Variants in CDK14 observed in about 807,000 individuals in gnomAD.
The protein encoded by CDK14 is cyclin dependent kinase 14.
A neutral mutation model predicts 60.7 loss-of-function variants in CDK14; 34 were observed. The observed-to-expected ratio is 0.56, with a 90% CI of 0.43 to 0.75. The LOEUF is 0.75. Ranked by LOEUF, CDK14 falls within the 30% of genes least tolerant of loss-of-function variation. The pLI is 0.00. For missense variants in CDK14, 482 were observed against 564.1 expected (o/e 0.85, Z 1.47); for synonymous variants, 197 against 203.7 (o/e 0.97, Z 0.28).
chr7:90,844,203 G>A (rs891147463), intron 5 of CDK14, among the ~76,000 whole-genome samples: 6 of 152,194 alleles, frequency 3.9e-5, no homozygotes, highest in African/African-American at 1.4e-4. Flanking sequence ...CCTGGAGGGA[G>A]GTGACCTGTG....
chr7:90,944,969 C>T (rs1261011668), intron 8 of CDK14, among the ~76,000 whole-genome samples: 3 of 152,124 alleles, frequency 2.0e-5, no homozygotes, highest in African/African-American at 7.2e-5. Context: ...ATGTAGGAGT[C>T]ATCTGCTGAA....
At chr7:90,847,884 AT>A (rs1036707486) in intron 5 of CDK14, among the ~76,000 whole-genome samples, 1 of 152,128 alleles carries the variant, frequency 6.6e-6, no homozygotes, top group Non-Finnish European at 1.5e-5. Flanking sequence ...GAAAAATGTA[AT>A]TTTTTTAGGT....
chr7:90,797,166 A>C (rs999182184), intron 5 of CDK14, among the ~76,000 whole-genome samples: 2 of 151,844 alleles, frequency 1.3e-5, no homozygotes, highest in Admixed American at 6.6e-5. Flanking sequence ...TGGGTAGCTT[A>C]AACAACAGAA....
At chr7:90,854,481 G>C (rs867521414) in intron 5 of CDK14, among the ~76,000 whole-genome samples, 3 of 152,108 alleles carry the variant, frequency 2.0e-5, no homozygotes, top group Non-Finnish European at 2.9e-5. Context: ...AATGAGCTGT[G>C]ATTACACCTT....
chr7:91,069,058 C>G (rs572452124), intron 11 of CDK14, among the ~76,000 whole-genome samples: 1 of 152,256 alleles, frequency 6.6e-6, no homozygotes, highest in East Asian at 1.9e-4. Flanking sequence ...ACCTGACACA[C>G]AGTAGTTGCT....
At chr7:90,694,383 CGTA>C (rs1241392694) in intron 2 of CDK14, among the ~76,000 whole-genome samples, 2 of 152,024 alleles carry the variant, frequency 1.3e-5, no homozygotes, top group Admixed American at 6.5e-5. Flanking sequence ...ACAAATTAAA[CGTA>C]GTAAACTGAC....
chr7:90,861,215 A>G (rs1381424124), intron 5 of CDK14, among the ~76,000 whole-genome samples: 1 of 152,168 alleles, frequency 6.6e-6, no homozygotes, highest in African/African-American at 2.4e-5. Context: ...AATGGGGGAA[A>G]AAAAAGATTA....
intron 8 of CDK14, among the ~76,000 whole-genome samples, chr7:90,940,585 A>G (rs923281946): frequency 6.6e-6 from 1 of 152,162 alleles, no homozygotes; most frequent in Admixed American, 6.5e-5. Flanking sequence ...CAGGAATTCT[A>G]GACTAGCCTG....
intron 3 of CDK14, among the ~76,000 whole-genome samples, chr7:90,736,140 C>T (rs995437033): frequency 3.3e-5 from 5 of 152,026 alleles, no homozygotes; most frequent in African/African-American, 7.2e-5. Context: ...TTTAGCCCTC[C>T]GTGGGCTGCA....
At chr7:91,133,218 A>G (rs1331767514) in intron 14 of CDK14, among the ~76,000 whole-genome samples, 2 of 152,132 alleles carry the variant, frequency 1.3e-5, no homozygotes. Flanking sequence ...TTATGAATAA[A>G]TTCATACTCC....
chr7:91,040,159 C>T (rs1797048735), intron 10 of CDK14, among the ~76,000 whole-genome samples: 1 of 152,220 alleles, frequency 6.6e-6, no homozygotes, highest in African/African-American at 2.4e-5. Context: ...CGCCTTCCAC[C>T]TGCCCTGTCT....
At chr7:91,095,163 A>G (rs1053032660) in intron 12 of CDK14, among the ~76,000 whole-genome samples, 1 of 152,262 alleles carries the variant, frequency 6.6e-6, no homozygotes. Flanking sequence ...AAAACAGAGC[A>G]ATGTGATGAA....
intron 14 of CDK14, among the ~76,000 whole-genome samples, chr7:91,181,654 T>C (rs1802005970): frequency 6.6e-6 from 1 of 152,200 alleles, no homozygotes; most frequent in African/African-American, 2.4e-5. Flanking sequence ...GGCTTGGTTC[T>C]TTCTCTTTTC....
At chr7:90,703,659 T>A (rs1200365987) in intron 2 of CDK14, among the ~76,000 whole-genome samples, 1 of 152,166 alleles carries the variant, frequency 6.6e-6, no homozygotes, top group Non-Finnish European at 1.5e-5. Context: ...CCAGGATAAT[T>A]TGAAACAAGG....
At chr7:91,173,936 C>G (rs921233968) in intron 14 of CDK14, among the ~76,000 whole-genome samples, 2 of 152,198 alleles carry the variant, frequency 1.3e-5, no homozygotes, top group African/African-American at 4.8e-5. Flanking sequence ...CAGGAAGCTC[C>G]AACTGGGTGG....
intron 8 of CDK14, among the ~76,000 whole-genome samples, chr7:90,931,083 TG>T: frequency 6.6e-6 from 1 of 152,224 alleles, no homozygotes; most frequent in African/African-American, 2.4e-5. Context: ...AAGTAAGTTT[TG>T]CTATCTAGCA....
At chr7:91,110,302 A>G (rs982073296) in intron 12 of CDK14, among the ~76,000 whole-genome samples, 1 of 152,202 alleles carries the variant, frequency 6.6e-6, no homozygotes, top group Non-Finnish European at 1.5e-5. Flanking sequence ...TAGTCAATTT[A>G]GTGGGGAATG....
chr7:90,703,437 G>A lies in CDK14; in HGVS notation c.124-23130G>A, dbSNP rs188644430. Reference sequence around the variant, plus strand: ...GGGTGTAAAAATGAAAAACTGTGCCGTGCCCATGTGAATGCCCATGCATTT... The same window carrying A: ...GGGTGTAAAAATGAAAAACTGTGCCATGCCCATGTGAATGCCCATGCATTT... On this transcript the variant is annotated intron_variant, in intron 2 of 14. Coordinates refer to ENST00000380050, the MANE Select transcript of CDK14 (RefSeq NM_001287135.2). Among the ~76,000 whole-genome samples the A allele has an allele frequency of 1.3e-4, 20 of 152,214 alleles. No individual in the cohort carries two copies. The East Asian group carries it at 2.1e-3, about 16-fold the overall frequency.
intron 3 of CDK14, among the ~76,000 whole-genome samples, chr7:90,746,642 C>G (rs1440583764): frequency 6.6e-6 from 1 of 152,086 alleles, no homozygotes; most frequent in African/African-American, 2.4e-5. Context: ...TAGATCATGT[C>G]TTATTGAAAT....
Sources: allele counts gnomAD v4.1 joint callset (sites outside exome capture counted in the v4.1 genomes callset), GRCh38; gene constraint gnomAD v4.1.1; transcripts MANE v1.5; gene names NCBI Gene and HGNC (gene_info 2026-07-23, HGNC 2026-07-21).